LRRC4C: variants seen among roughly 807,000 people sequenced by gnomAD.
LRRC4C encodes leucine rich repeat containing 4C.
LRRC4C carries 5 observed loss-of-function variants against 33.6 expected under a neutral mutation model. That is an observed-to-expected ratio of 0.15 (90% confidence interval 0.08 to 0.31). LRRC4C has a LOEUF of 0.31. Among genes scored for constraint, LRRC4C ranks in the 10% least tolerant of loss-of-function variants. LRRC4C has a pLI of 1.00. For synonymous variants in LRRC4C, 329 were observed against 302.0 expected (o/e 1.09, Z -0.93); for missense variants, 560 against 796.7 (o/e 0.70, Z 3.58).
chr11:41,277,060 A>T (rs1249485255), intron 1 of LRRC4C, among the ~76,000 whole-genome samples: 1 of 152,206 alleles, frequency 6.6e-6, no homozygotes, highest in Non-Finnish European at 1.5e-5. Context: ...GAGAGTAGCA[A>T]CCTTATTCAT....
At chr11:40,589,011 A>AC (rs201832711) in intron 3 of LRRC4C, among the ~76,000 whole-genome samples, 2,300 of 152,194 alleles carry the variant, frequency 0.015, 53 homozygotes, top group African/African-American at 0.052. Context: ...TGCAGAGCTG[A>AC]GTTCAATTGC....
chr11:40,763,391 G>T (rs764824594), intron 2 of LRRC4C, among the ~76,000 whole-genome samples: 10 of 152,118 alleles, frequency 6.6e-5, no homozygotes, highest in Non-Finnish European at 1.5e-4. Context: ...AGGAGGCAGA[G>T]CAAGATGGCT....
At chr11:40,399,553 G>C (rs908153501) in intron 3 of LRRC4C, among the ~76,000 whole-genome samples, 1 of 151,942 alleles carries the variant, frequency 6.6e-6, no homozygotes, top group Non-Finnish European at 1.5e-5. Flanking sequence ...GGAGGGGGGA[G>C]GGATAGCATT....
At chr11:40,563,446 T>G (rs1957633899) in intron 3 of LRRC4C, among the ~76,000 whole-genome samples, 1 of 151,676 alleles carries the variant, frequency 6.6e-6, no homozygotes, top group South Asian at 2.1e-4. Context: ...GACGGTGGAG[T>G]GGGATGATTA....
chr11:41,449,766 T>C (rs1249599884), intron 1 of LRRC4C, among the ~76,000 whole-genome samples: 22 of 126,474 alleles, frequency 1.7e-4, no homozygotes, highest in Admixed American at 1.5e-3. Context: ...TTCCTCTTGA[T>C]GGAAAAAAAA....
intron 2 of LRRC4C, among the ~76,000 whole-genome samples, chr11:40,918,607 C>T (rs1009368151): frequency 6.6e-6 from 1 of 152,008 alleles, no homozygotes; most frequent in Non-Finnish European, 1.5e-5. Context: ...AAATGTGTAT[C>T]TGCTGTTTCC....
At chr11:40,520,839 C>T (rs1955780289) in intron 3 of LRRC4C, among the ~76,000 whole-genome samples, 1 of 152,072 alleles carries the variant, frequency 6.6e-6, no homozygotes, top group Non-Finnish European at 1.5e-5. Flanking sequence ...TATTTTATAG[C>T]AGAAGTAGAT....
chr11:40,844,504 G>C (rs1953066793), intron 2 of LRRC4C, among the ~76,000 whole-genome samples: 1 of 152,102 alleles, frequency 6.6e-6, no homozygotes, highest in Non-Finnish European at 1.5e-5. Context: ...AGGTGCTGTA[G>C]ACCTCTTGCT....
intron 2 of LRRC4C, among the ~76,000 whole-genome samples, chr11:40,894,496 G>T (rs1371035560): frequency 6.6e-6 from 1 of 152,118 alleles, no homozygotes; most frequent in East Asian, 1.9e-4. Context: ...TCTGAATAGA[G>T]AAGAAATAAA....
chr11:40,139,174 A>G (rs907469075), intron 6 of LRRC4C, among the ~76,000 whole-genome samples: 4 of 152,062 alleles, frequency 2.6e-5, no homozygotes, highest in African/African-American at 9.7e-5. Flanking sequence ...AAGGAAGAAA[A>G]GAAGACACAT....
chr11:41,280,046 T>A (rs768675900), intron 1 of LRRC4C, among the ~76,000 whole-genome samples: 2 of 152,160 alleles, frequency 1.3e-5, no homozygotes, highest in Non-Finnish European at 2.9e-5. Flanking sequence ...GTGAATATTT[T>A]ATAGTATGTT....
intron 1 of LRRC4C, among the ~76,000 whole-genome samples, chr11:41,422,530 A>G (rs1048241571): frequency 3.3e-5 from 5 of 152,106 alleles, no homozygotes; most frequent in Non-Finnish European, 7.4e-5. Context: ...CAAAATGCTG[A>G]AAATGGCAGA....
chr11:40,672,273 T>G (rs1944166848), intron 2 of LRRC4C, among the ~76,000 whole-genome samples: 1 of 152,112 alleles, frequency 6.6e-6, no homozygotes, highest in African/African-American at 2.4e-5. Context: ...CTTGGGCCTC[T>G]TTTATAAAAG....
chr11:40,869,060 C>T (rs754192693), intron 2 of LRRC4C, among the ~76,000 whole-genome samples: 1 of 115,636 alleles, frequency 8.6e-6, no homozygotes, highest in African/African-American at 3.2e-5. Context: ...GAAGACAAAC[C>T]TGTGGGGGAT....
intron 1 of LRRC4C, among the ~76,000 whole-genome samples, chr11:41,251,472 G>A (rs1463474636): frequency 6.6e-6 from 1 of 152,130 alleles, no homozygotes; most frequent in African/African-American, 2.4e-5. Context: ...ATTAAAATAT[G>A]TGTCCTGTTT....
At chr11:41,066,613 C>G (rs10768662) in intron 1 of LRRC4C, among the ~76,000 whole-genome samples, 56,017 of 151,906 alleles carry the variant, frequency 0.37, 10,589 homozygotes, top group African/African-American at 0.43. Flanking sequence ...ACATAATCAT[C>G]AGATTCTTCA....
At chr11:40,665,322 AAAAATATATATATATATATATATAT>A (rs1272664214) in intron 2 of LRRC4C, among the ~76,000 whole-genome samples, 3 of 12,034 alleles carry the variant, frequency 2.5e-4, no homozygotes, top group Admixed American at 2.8e-3. Context: ...AAAAAAAAAA[AAAAATATATATATATATATATATAT>A]ATATATATAT....
intron 1 of LRRC4C, among the ~76,000 whole-genome samples, chr11:41,044,905 C>A (rs1451729136): frequency 6.6e-6 from 1 of 152,078 alleles, no homozygotes; most frequent in Non-Finnish European, 1.5e-5. Flanking sequence ...ATTGCAGTAC[C>A]AGGGATAAGT....
At chr11:40,917,134 T>A (rs1055353548) in intron 2 of LRRC4C, among the ~76,000 whole-genome samples, 5 of 152,184 alleles carry the variant, frequency 3.3e-5, no homozygotes, top group African/African-American at 1.2e-4. Context: ...TTATCTAACT[T>A]ACATAGGTCT....
Sources: allele counts gnomAD v4.1 joint callset (sites outside exome capture counted in the v4.1 genomes callset), GRCh38; gene constraint gnomAD v4.1.1; transcripts MANE v1.5; gene names NCBI Gene and HGNC (gene_info 2026-07-23, HGNC 2026-07-21).